Variants in NXN observed in about 807,000 individuals in gnomAD.
NXN encodes the protein nucleoredoxin 1.
In NXN, 16 loss-of-function variants were observed where a neutral mutation model predicts 48.6. The observed-to-expected ratio is 0.33, with a 90% confidence interval of 0.22 to 0.50. The LOEUF is 0.50. Ranked by LOEUF, NXN falls within the 20% of genes least tolerant of loss-of-function variation. The pLI, the probability that NXN is intolerant of heterozygous loss-of-function variation, is 0.98. For synonymous variants in NXN, 281 were observed against 269.6 expected, an observed-to-expected ratio of 1.04 and a Z score of -0.41; for missense variants, 492 against 605.5, an observed-to-expected ratio of 0.81 and a Z score of 1.97.
chr17:905,298 AC>A (rs1041596785), intron 1 of NXN: 8 of 143,612 alleles, frequency 5.6e-5, no homozygotes, highest in Middle Eastern at 3.2e-3. Context: ...TAATGCACAC[AC>A]ATAGTTTCAG....
chr17:935,919 C>T (rs1169319145), intron 1 of NXN, among the ~76,000 whole-genome samples: 1 of 151,958 alleles, frequency 6.6e-6, no homozygotes, highest in Non-Finnish European at 1.5e-5. Flanking sequence ...ATGGTGAAAC[C>T]CAGTCTCTAC....
intron 1 of NXN, among the ~76,000 whole-genome samples, chr17:839,147 G>A (rs1913995289): frequency 1.3e-5 from 2 of 152,046 alleles, no homozygotes; most frequent in Admixed American, 6.6e-5. Flanking sequence ...TTCATAGTGA[G>A]CGTCAGGCCG....
At chr17:835,099 G>A (rs188174181) in intron 1 of NXN, among the ~76,000 whole-genome samples, 3,944 of 151,292 alleles carry the variant, frequency 0.026, 118 homozygotes, top group African/African-American at 0.07. Context: ...ACAAGGTCAG[G>A]AGATCGAGAC....
At chr17:972,302 CA>C (rs1228630087) in intron 1 of NXN, among the ~76,000 whole-genome samples, 1 of 151,088 alleles carries the variant, frequency 6.6e-6, no homozygotes, top group Admixed American at 6.6e-5. Context: ...AACTCCATCT[CA>C]AAAAAAATTT....
At chr17:874,529 A>G (rs1371069224) in intron 1 of NXN, among the ~76,000 whole-genome samples, 2 of 152,248 alleles carry the variant, frequency 1.3e-5, no homozygotes, top group African/African-American at 2.4e-5. Flanking sequence ...GGCTGCGGTG[A>G]GCCGAGATCA....
rs924609571 is a variant in NXN, at chr17:829,169, G to C, written c.361-3091C>G. The stretch of plus-strand genomic sequence containing the variant: ...TTTTTTTTTTTAGGGGGGCGGGGTG[G>C]TGGGGCAAACAGAGTCTCGCTCTGT... On this transcript the variant is annotated intron_variant, in intron 1 of 7. Coordinates refer to ENST00000336868, the MANE Select transcript of NXN (RefSeq NM_022463.5). Among the ~76,000 whole-genome samples the C allele has an allele frequency of 7.4e-5, 11 of 149,310 alleles. No homozygotes were observed. In the Admixed American group the frequency reaches 7.4e-4, roughly 10 times the overall value.
At position 926,209 on chromosome 17, in the gene NXN, C is replaced by T. The variant is rs536539914; in HGVS notation, c.360+53110G>A. Among the ~76,000 whole-genome samples the T allele has an allele frequency of 2.6e-5, 4 of 152,250 alleles. No homozygotes were observed. The East Asian group carries it at 5.8e-4, about 22-fold the overall frequency. On this transcript the variant is annotated intron_variant, in intron 1 of 7. Transcript: ENST00000336868. Reference sequence around the variant, plus strand: ...TCTCCTCCTTCCCTCTTTCAAGAGACGGATCTCACTCTGTCACCCAGGCCG... The same window carrying T: ...TCTCCTCCTTCCCTCTTTCAAGAGATGGATCTCACTCTGTCACCCAGGCCG...
At chr17:838,476 C>T (rs1913953726) in intron 1 of NXN, among the ~76,000 whole-genome samples, 1 of 152,148 alleles carries the variant, frequency 6.6e-6, no homozygotes, top group South Asian at 2.1e-4. Context: ...CCTAGCTGGG[C>T]TTTGCAACCC....
rs80274930 is a variant in NXN, at chr17:920,404, G to GC, written c.360+58914dup. On this transcript the variant is annotated intron_variant, in intron 1 of 7. Coordinates refer to ENST00000336868, the MANE Select transcript of NXN (RefSeq NM_022463.5). The surrounding 1 kb of genome is among the most constrained non-coding windows in gnomAD (Gnocchi z 4.6). ...GGGGATACCTAGGCCCTCCTGTCATGCCCCAAGGCCAATGTAGCCTTGGGG... is the reference window on the plus strand; with the variant it reads ...GGGGATACCTAGGCCCTCCTGTCATGCCCCCAAGGCCAATGTAGCCTTGGGG... 0.15 allele frequency among the ~76,000 whole-genome samples: 22,311 copies of GC among 151,858 alleles called. 2,322 individuals are homozygous for GC. Among genetic ancestry groups the GC allele is most frequent in the African/African-American group, 0.29 (11,894 of 41,364 alleles).
chr17:934,905 C>T (rs2068892549), intron 1 of NXN, among the ~76,000 whole-genome samples: 1 of 152,110 alleles, frequency 6.6e-6, no homozygotes, highest in African/African-American at 2.4e-5. Context: ...TCTTTTAGCC[C>T]AGTCCCAAGC....
chr17:968,139 C>A, intron 1 of NXN, among the ~76,000 whole-genome samples: 1 of 128,742 alleles, frequency 7.8e-6, no homozygotes, highest in Admixed American at 1.0e-4. Context: ...CTGGGACTAT[C>A]TTCAAGATCA....
intron 6 of NXN, 101 bp from the exon 7 acceptor site, chr17:803,907 C>A: frequency 6.7e-7 from 1 of 1,492,148 alleles, no homozygotes; most frequent in South Asian, 1.2e-5. Context: ...GAAACGCCCG[C>A]CTGAGCGGCC....
chr17:929,169 T>TCATTAC (rs1445254087), intron 1 of NXN, among the ~76,000 whole-genome samples: 1 of 152,218 alleles, frequency 6.6e-6, no homozygotes, highest in African/African-American at 2.4e-5. Context: ...ACGTCGGCCT[T>TCATTAC]CATTACGGCA....
chr17:824,884 G>C (rs189398793), intron 2 of NXN, among the ~76,000 whole-genome samples: 1 of 152,148 alleles, frequency 6.6e-6, no homozygotes, highest in Non-Finnish European at 1.5e-5. Flanking sequence ...GCAGGTGGTC[G>C]GGCCTCCCCG....
rs947156353 is a variant in NXN at position 919,580 on chromosome 17, G to A, written c.360+59739C>T. ...TTTCTACAGCACCTCCTCGTATCGT[G>A]GGTTACAGAACCTACGTCGTCCTCG... On this transcript the variant is annotated intron_variant, in intron 1 of 7. Transcript: ENST00000336868. The surrounding 1 kb of genome is among the most constrained non-coding windows in gnomAD (Gnocchi z 5.1). Among the ~76,000 whole-genome samples, 3 of 152,070 alleles carry A rather than the reference G, an allele frequency of 2.0e-5. No individual in the cohort carries two copies. Among genetic ancestry groups the A allele is most frequent in the Admixed American group, 6.6e-5 (1 of 15,256 alleles).
At chr17:891,322 C>A (rs1265539235) in intron 1 of NXN, among the ~76,000 whole-genome samples, 1 of 152,224 alleles carries the variant, frequency 6.6e-6, no homozygotes, top group Non-Finnish European at 1.5e-5. Context: ...CCACCTTGGC[C>A]TCCCAAAGTG....
At chr17:968,759 G>A (rs2069336726) in intron 1 of NXN, among the ~76,000 whole-genome samples, 1 of 151,508 alleles carries the variant, frequency 6.6e-6, no homozygotes, top group African/African-American at 2.4e-5. Flanking sequence ...TCAAGATAGT[G>A]AAACCCTGTC....
chr17:811,250 T>C (rs1050184588), intron 5 of NXN, among the ~76,000 whole-genome samples: 5 of 152,186 alleles, frequency 3.3e-5, no homozygotes, highest in African/African-American at 9.7e-5. Flanking sequence ...CTCCAGGCCC[T>C]GCACAGCCCT....
chr17:825,298 A>T lies in NXN; in HGVS notation c.478+663T>A, dbSNP rs1436629982. On this transcript the variant is annotated intron_variant, in intron 2 of 7. Transcript: ENST00000336868. This position sits in a 1 kb window ranked among gnomAD's most constrained non-coding sequence, Gnocchi z 4.1. ...GTTTTTACTGAGGACAATTCTTTGA[A>T]GTAGGTGGCATTTTTACTGGGAAAA... Among the ~76,000 whole-genome samples, 2 of 151,892 alleles carry T rather than the reference A, an allele frequency of 1.3e-5. No homozygotes were observed. The highest frequency in any genetic ancestry group is 2.9e-5 in the Non-Finnish European group (2 of 68,004).
Sources: gnomAD v4.1 joint callset for allele counts (sites outside exome capture counted in the v4.1 genomes callset) on GRCh38, gnomAD v4.1.1 for gene constraint, Gnocchi (gnomAD v3.1) non-coding constraint, MANE v1.5 for transcripts, NCBI Gene and HGNC (gene_info 2026-07-23, HGNC 2026-07-21) for gene names.